The following RARB variants were observed in gnomAD, a reference collection of about 807,000 sequenced individuals.
RARB encodes the protein retinoic acid receptor beta, also known as HBV-activated protein.
RARB carries 17 observed loss-of-function variants against 51.9 expected under a neutral mutation model. The observed-to-expected ratio is 0.33, with a 90% CI of 0.22 to 0.49. The LOEUF (loss-of-function observed/expected upper bound fraction) is 0.49. RARB is among the 20% of genes least tolerant of loss of function. The pLI, the probability that RARB is intolerant of heterozygous loss-of-function variation, is 0.99. For synonymous variants in RARB, 215 were observed against 195.4 expected, an observed-to-expected ratio of 1.10 and a Z score of -0.84; for missense variants, 369 against 550.8, an observed-to-expected ratio of 0.67 and a Z score of 3.30.
intron 3 of RARB, among the ~76,000 whole-genome samples, chr3:25,105,715 T>C (rs573817984): frequency 1.1e-4 from 16 of 152,320 alleles, no homozygotes; most frequent in Admixed American, 1.0e-3. Context: ...TGTTTTTACT[T>C]GCCAGTCTCT....
At chr3:25,223,288 GTGT>G (rs1372010468) in intron 5 of RARB, among the ~76,000 whole-genome samples, 1 of 152,092 alleles carries the variant, frequency 6.6e-6, no homozygotes, top group Non-Finnish European at 1.5e-5. Flanking sequence ...TATGGCATCT[GTGT>G]TGTTGTATGT....
intron 5 of RARB, among the ~76,000 whole-genome samples, chr3:25,277,429 G>A (rs1001093957): frequency 2.6e-5 from 4 of 152,118 alleles, no homozygotes; most frequent in Non-Finnish European, 5.9e-5. Flanking sequence ...AAGTGAAATC[G>A]CCTATGGATC....
intron 4 of RARB, among the ~76,000 whole-genome samples, chr3:25,153,933 G>C (rs1414639845): frequency 6.6e-6 from 1 of 152,220 alleles, no homozygotes; most frequent in East Asian, 1.9e-4. Flanking sequence ...AGATCCTGTT[G>C]ACATTTACTG....
chr3:25,007,073 C>T (rs951603086), intron 2 of RARB, among the ~76,000 whole-genome samples: 5 of 152,198 alleles, frequency 3.3e-5, no homozygotes, highest in Admixed American at 2.0e-4. Context: ...GTGATTTTCA[C>T]TCCTGAGTTT....
chr3:25,462,039 G>A (rs758219538), intron 2 of RARB, among the ~76,000 whole-genome samples: 20 of 152,314 alleles, frequency 1.3e-4, no homozygotes, highest in Middle Eastern at 3.4e-3. Flanking sequence ...AACTTGCAGG[G>A]AATTCAAGGT....
chr3:24,864,265 G>C (rs1219815131), intron 2 of RARB, among the ~76,000 whole-genome samples: 2 of 152,156 alleles, frequency 1.3e-5, no homozygotes, highest in East Asian at 3.9e-4. Context: ...TCTGATGTCA[G>C]ACACACCATC....
At chr3:25,265,985 T>A (rs1288195487) in intron 5 of RARB, among the ~76,000 whole-genome samples, 1 of 152,154 alleles carries the variant, frequency 6.6e-6, no homozygotes, top group East Asian at 1.9e-4. Flanking sequence ...CTCAACCTAG[T>A]CATCCTTACA....
At chr3:25,031,663 C>T (rs1435812809) in intron 2 of RARB, among the ~76,000 whole-genome samples, 1 of 152,176 alleles carries the variant, frequency 6.6e-6, no homozygotes, top group East Asian at 1.9e-4. Context: ...CTAGCAAGCA[C>T]TTGGGGTAGT....
chr3:24,934,980 G>A (rs984975889), intron 2 of RARB, among the ~76,000 whole-genome samples: 2 of 152,136 alleles, frequency 1.3e-5, no homozygotes, highest in African/African-American at 4.8e-5. Flanking sequence ...CTAAAGACTT[G>A]AAGTGTTTAA....
chr3:25,473,896 T>C (rs1007459704), intron 2 of RARB, among the ~76,000 whole-genome samples: 2 of 147,734 alleles, frequency 1.4e-5, no homozygotes, highest in African/African-American at 5.0e-5. Flanking sequence ...TCTGCTTCTA[T>C]GGAGGTATTT....
At chr3:25,267,401 C>T (rs923268327) in intron 5 of RARB, among the ~76,000 whole-genome samples, 1 of 152,136 alleles carries the variant, frequency 6.6e-6, no homozygotes, top group Non-Finnish European at 1.5e-5. Context: ...CTTCCGCAAC[C>T]CCCGTCTTTC....
intron 3 of RARB, among the ~76,000 whole-genome samples, chr3:25,129,566 A>T (rs1032869704): frequency 1.3e-5 from 2 of 152,134 alleles, no homozygotes; most frequent in Non-Finnish European, 2.9e-5. Context: ...TCTAAATTAT[A>T]GTCATAGACT....
chr3:25,273,655 A>C (rs1703305675), intron 5 of RARB, among the ~76,000 whole-genome samples: 1 of 152,224 alleles, frequency 6.6e-6, no homozygotes, highest in Non-Finnish European at 1.5e-5. Context: ...GGAATGCGAT[A>C]TCATTTGGTT....
chr3:25,116,939 T>TA (rs376485598), intron 3 of RARB, among the ~76,000 whole-genome samples: 1 of 152,184 alleles, frequency 6.6e-6, no homozygotes, highest in African/African-American at 2.4e-5. Context: ...AGACAAGAAG[T>TA]AAGCAAATAT....
chr3:25,184,209 T>A (rs1700924290), intron 5 of RARB, among the ~76,000 whole-genome samples: 1 of 152,036 alleles, frequency 6.6e-6, no homozygotes, highest in Non-Finnish European at 1.5e-5. Context: ...TGCTTTTCAA[T>A]GAGAATGTGC....
At chr3:25,192,450 A>G (rs1002156975) in intron 5 of RARB, among the ~76,000 whole-genome samples, 5 of 152,094 alleles carry the variant, frequency 3.3e-5, no homozygotes, top group South Asian at 4.1e-4. Flanking sequence ...TACAGACACT[A>G]TAAGTGAACT....
intron 2 of RARB, among the ~76,000 whole-genome samples, chr3:24,992,111 C>T (rs6783221): frequency 0.015 from 2,256 of 152,258 alleles, 22 homozygotes; most frequent in Non-Finnish European, 0.022. Context: ...ACTTGCTCCT[C>T]CATACCGCAA....
chr3:25,128,610 T>C (rs1424489407), intron 3 of RARB, among the ~76,000 whole-genome samples: 4 of 151,806 alleles, frequency 2.6e-5, no homozygotes, highest in Non-Finnish European at 1.5e-5. Flanking sequence ...CATTTACATT[T>C]TACCTTTGTG....
intron 3 of RARB, among the ~76,000 whole-genome samples, chr3:25,112,630 T>G (rs967875517): frequency 3.3e-5 from 5 of 151,800 alleles, no homozygotes; most frequent in Non-Finnish European, 4.4e-5. Flanking sequence ...TAAAAAAAAT[T>G]AGTTGAGCAT....
Sources: allele counts gnomAD v4.1 joint callset (sites outside exome capture counted in the v4.1 genomes callset), GRCh38; gene constraint gnomAD v4.1.1; transcripts MANE v1.5; gene names NCBI Gene and HGNC (gene_info 2026-07-23, HGNC 2026-07-21).